The following ABAT variants were observed in gnomAD, a reference collection of about 807,000 sequenced individuals.
ABAT encodes 4-aminobutyrate aminotransferase.
ABAT carries 45 observed loss-of-function variants against 64.6 expected under a neutral mutation model. The observed-to-expected ratio is 0.70, with a 90% CI of 0.55 to 0.89. The LOEUF is 0.89. Among genes scored for constraint, ABAT ranks in the 40% least tolerant of loss-of-function variants. The probability of loss-of-function intolerance (pLI) is 0.00; values close to 1 mark genes in which losing one functional copy is unlikely to be tolerated. For synonymous variants in ABAT, 297 were observed against 250.5 expected, an observed-to-expected ratio of 1.19 and a Z score of -1.75; for missense variants, 633 against 658.4, an observed-to-expected ratio of 0.96 and a Z score of 0.42.
chr16:8,679,542 G>A (rs1252595206), intron 1 of ABAT, among the ~76,000 whole-genome samples: 31 of 125,054 alleles, frequency 2.5e-4, no homozygotes, highest in Non-Finnish European at 3.5e-4. Context: ...AAAAAAAAAA[G>A]GTAGAAGGAG....
chr16:8,761,611 A>G (rs563057252), intron 6 of ABAT, among the ~76,000 whole-genome samples: 1 of 152,314 alleles, frequency 6.6e-6, no homozygotes, highest in East Asian at 1.9e-4. Flanking sequence ...GGCCTGATGA[A>G]AAGAGCACCC....
At chr16:8,725,787 C>A (rs1280402433) in intron 1 of ABAT, among the ~76,000 whole-genome samples, 2 of 152,120 alleles carry the variant, frequency 1.3e-5, no homozygotes, top group Admixed American at 6.5e-5. Context: ...AGTAGTAATT[C>A]TATGCTTAAC....
At chr16:8,724,184 T>A (rs1195348116) in intron 1 of ABAT, among the ~76,000 whole-genome samples, 3 of 151,886 alleles carry the variant, frequency 2.0e-5, no homozygotes, top group Non-Finnish European at 2.9e-5. Flanking sequence ...ACCACCTCCA[T>A]GCACAACCCA....
chr16:8,773,273 T>A (rs1168778460), intron 12 of ABAT, among the ~76,000 whole-genome samples: 1 of 151,972 alleles, frequency 6.6e-6, no homozygotes, highest in East Asian at 1.9e-4. Context: ...TACCTCAGCC[T>A]CCCGAGTAGC....
intron 5 of ABAT, among the ~76,000 whole-genome samples, chr16:8,751,159 G>A (rs928504743): frequency 2.0e-5 from 3 of 152,084 alleles, no homozygotes; most frequent in Middle Eastern, 3.4e-3. Flanking sequence ...ATGTTGGCCA[G>A]GGTAGTCTAG....
intron 1 of ABAT, among the ~76,000 whole-genome samples, chr16:8,718,568 G>A (rs954625901): frequency 6.6e-6 from 1 of 152,114 alleles, no homozygotes; most frequent in African/African-American, 2.4e-5. Flanking sequence ...GCCAGACACC[G>A]TTCTGGACCC....
At position 8,713,851 on chromosome 16, in the gene ABAT, C is replaced by T. The variant is rs765942833; in HGVS notation, c.-41-21848C>T. 22 of 456,036 alleles carry T rather than the reference C, an allele frequency of 4.8e-5. 1 individual carries two copies. The highest frequency in any genetic ancestry group is 2.5e-4 in the South Asian group (16 of 64,558). The allele number at this position is 456,036 out of a possible 1,614,324, so 28.2% of individuals were successfully genotyped here. A position where few individuals can be genotyped will look rare whatever the true frequency, so the allele number is the denominator to read the frequency against. Reference sequence around the variant, plus strand: ...GCGAGCTGAGCTCGCCGCAGGACTCCGACTACCAGGCACCGTGAGTGCAAA... The same window carrying T: ...GCGAGCTGAGCTCGCCGCAGGACTCTGACTACCAGGCACCGTGAGTGCAAA... On this transcript the variant is annotated intron_variant, in intron 1 of 15. Transcript: ENST00000268251.
chr16:8,754,741 C>T lies in ABAT; in HGVS notation c.317-3016C>T, dbSNP rs571664512. 4.1e-5 allele frequency among the ~76,000 whole-genome samples: 6 copies of T among 147,992 alleles called. No homozygotes were observed. The South Asian group carries it at 1.1e-3, about 26-fold the overall frequency. On this transcript the variant is annotated intron_variant, in intron 5 of 15. Coordinates refer to ENST00000268251, the MANE Select transcript of ABAT (RefSeq NM_020686.6). Reference sequence around the variant, plus strand: ...TTCTTTCTTTTTTTTTTCTTGAAAACGGAGTCCCATTCTGTTGCCCAGGCT... The same window carrying T: ...TTCTTTCTTTTTTTTTTCTTGAAAATGGAGTCCCATTCTGTTGCCCAGGCT...
chr16:8,769,514 G>C lies in ABAT; in HGVS notation c.816+541G>C, dbSNP rs139668285. ...GCAGAGGTTGCAATGAGCCAAGATT[G>C]CACCACTGCACTCCAGCCTGGGTAA... On this transcript the variant is annotated intron_variant, in intron 11 of 15. Coordinates refer to ENST00000268251, the MANE Select transcript of ABAT (RefSeq NM_020686.6). 1.2e-3 allele frequency among the ~76,000 whole-genome samples: 163 copies of C among 136,270 alleles called. 1 individual carries two copies. Among genetic ancestry groups the C allele is most frequent in the African/African-American group, 4.1e-3 (146 of 35,450 alleles). 89.4% of individuals were successfully genotyped at this position (136,270 alleles called of 152,430 possible). A position where few individuals can be genotyped will look rare whatever the true frequency, so the allele number is the denominator to read the frequency against.
intron 14 of ABAT, among the ~76,000 whole-genome samples, chr16:8,778,842 T>A (rs1033283820): frequency 1.3e-5 from 2 of 152,140 alleles, no homozygotes; most frequent in Non-Finnish European, 2.9e-5. Flanking sequence ...CAGGAAGACT[T>A]CATTTTAACC....
chr16:8,682,287 A>G (rs1226378909), intron 1 of ABAT, among the ~76,000 whole-genome samples: 2 of 151,602 alleles, frequency 1.3e-5, no homozygotes, highest in Non-Finnish European at 2.9e-5. Context: ...AGATGGATGC[A>G]TGGATGGACA....
intron 1 of ABAT, among the ~76,000 whole-genome samples, chr16:8,679,577 T>C (rs554287160): frequency 2.0e-5 from 3 of 149,998 alleles, no homozygotes; most frequent in Admixed American, 1.3e-4. Flanking sequence ...ACCTCTCTCA[T>C]TGGGCCGCTG....
chr16:8,676,289 G>A (rs1466554162), intron 1 of ABAT, among the ~76,000 whole-genome samples: 2 of 152,092 alleles, frequency 1.3e-5, no homozygotes, highest in Non-Finnish European at 2.9e-5. Flanking sequence ...AACACACAGA[G>A]GCACAAAAGG....
rs530622972 is a variant in ABAT, at chr16:8,776,795, C to A, written c.1269+305C>A. On this transcript the variant is annotated intron_variant, in intron 14 of 15. Coordinates refer to ENST00000268251, the MANE Select transcript of ABAT (RefSeq NM_020686.6). The surrounding 1 kb of genome is among the most constrained non-coding windows in gnomAD (Gnocchi z 4.4). ...GGTCAAGCTCTGTTAGCCAGTCCGGCCTTGAACTCCTGGCCTCAAACGATC... is the reference window on the plus strand; with the variant it reads ...GGTCAAGCTCTGTTAGCCAGTCCGGACTTGAACTCCTGGCCTCAAACGATC... Among the ~76,000 whole-genome samples the A allele has an allele frequency of 6.6e-6, 1 of 152,144 alleles. No homozygotes were observed. Among genetic ancestry groups the A allele is most frequent in the Non-Finnish European group, 1.5e-5 (1 of 68,036 alleles).
At chr16:8,759,520 GT>G (rs1567307763) in intron 6 of ABAT, among the ~76,000 whole-genome samples, 1 of 151,836 alleles carries the variant, frequency 6.6e-6, no homozygotes, top group Non-Finnish European at 1.5e-5. Flanking sequence ...TTGTTTGCTT[GT>G]TTTTTTCTTG....
intron 2 of ABAT, among the ~76,000 whole-genome samples, chr16:8,742,052 G>T (rs949246544): frequency 2.6e-5 from 4 of 152,168 alleles, no homozygotes; most frequent in African/African-American, 9.7e-5. Flanking sequence ...TGGAAAACAT[G>T]ATAGGAGCTG....
At chr16:8,738,798 C>A (rs1334171966) in intron 2 of ABAT, among the ~76,000 whole-genome samples, 1 of 151,806 alleles carries the variant, frequency 6.6e-6, no homozygotes, top group Non-Finnish European at 1.5e-5. Flanking sequence ...GCACCTGCCA[C>A]CATGCCCGGC....
At chr16:8,706,945 G>C (rs897625509) in intron 1 of ABAT, among the ~76,000 whole-genome samples, 2 of 152,154 alleles carry the variant, frequency 1.3e-5, no homozygotes, top group African/African-American at 2.4e-5. Flanking sequence ...AGGTGCAAAG[G>C]CCCTGAGGCT....
At position 8,776,147 on chromosome 16, in the gene ABAT, A is replaced by AT. The variant is rs1252389773; in HGVS notation, c.1123-195dup. Among the ~76,000 whole-genome samples, 1 of 152,092 alleles carries AT rather than the reference A, an allele frequency of 6.6e-6. No individual in the cohort carries two copies. The highest frequency in any genetic ancestry group is 1.5e-5 in the Non-Finnish European group (1 of 67,998). ...GCTGCTGTTGGAAGAATTCAGCAAG[A>AT]TTGGGTGTGTTCTCCTGCTAGCCTC... On this transcript the variant is annotated intron_variant, in intron 13 of 15. Transcript: ENST00000268251. The surrounding 1 kb of genome is among the most constrained non-coding windows in gnomAD (Gnocchi z 4.4).
Sources: gnomAD v4.1 joint callset for allele counts (sites outside exome capture counted in the v4.1 genomes callset) on GRCh38, gnomAD v4.1.1 for gene constraint, Gnocchi (gnomAD v3.1) non-coding constraint, MANE v1.5 for transcripts, NCBI Gene and HGNC (gene_info 2026-07-23, HGNC 2026-07-21) for gene names.